CAMTA1: variants seen among roughly 807,000 people sequenced by gnomAD.
CAMTA1 encodes the protein calmodulin binding transcription activator 1, also known as calmodulin-binding transcription activator 1.
Under a neutral mutation model 170.9 loss-of-function variants are expected in CAMTA1, and 27 were observed. The ratio of observed to expected loss-of-function variants is 0.16; its 90% CI spans 0.12 to 0.22. The LOEUF (loss-of-function observed/expected upper bound fraction) is 0.22, where lower values mean the gene tolerates loss of function less well. Among genes scored for constraint, CAMTA1 ranks in the 10% least tolerant of loss-of-function variants. The pLI is 1.00. For synonymous variants in CAMTA1, 833 were observed against 891.5 expected (o/e 0.93, Z 1.17); for missense variants, 1,619 against 2,217.2 (o/e 0.73, Z 5.42).
At chr1:7,640,313 C>T in intron 6 of CAMTA1, 87 bp from the exon 7 acceptor site, 4 of 1,477,852 alleles carry the variant, frequency 2.7e-6, no homozygotes, top group Non-Finnish European at 3.7e-6. Flanking sequence ...GCCTCAGTCT[C>T]TGCCTGCACC....
chr1:7,104,278 C>T (rs202141383), intron 4 of CAMTA1, among the ~76,000 whole-genome samples: 1 of 58,680 alleles, frequency 1.7e-5, no homozygotes, highest in African/African-American at 5.3e-5. Flanking sequence ...TACATGCACA[C>T]AAAACAAATA....
At chr1:7,261,197 T>A (rs1180974097) in intron 5 of CAMTA1, among the ~76,000 whole-genome samples, 2 of 152,250 alleles carry the variant, frequency 1.3e-5, no homozygotes, top group Non-Finnish European at 2.9e-5. Flanking sequence ...GGCTGCGGGT[T>A]CCTTCCTTCC....
At chr1:7,467,771 T>G in intron 5 of CAMTA1, 59 bp from the exon 6 acceptor site, 2 of 1,352,990 alleles carry the variant, frequency 1.5e-6, no homozygotes, top group Non-Finnish European at 2.1e-6. Context: ...TTGCGCCGTC[T>G]TCCTTCCTTC....
intron 5 of CAMTA1, among the ~76,000 whole-genome samples, chr1:7,441,971 C>T (rs2092552685): frequency 6.6e-6 from 1 of 152,164 alleles, no homozygotes; most frequent in African/African-American, 2.4e-5. Context: ...CAGAGGGCTG[C>T]TCCCTGCGTA....
chr1:7,101,676 C>T (rs1223836470), intron 4 of CAMTA1, among the ~76,000 whole-genome samples: 1 of 152,232 alleles, frequency 6.6e-6, no homozygotes, highest in East Asian at 1.9e-4. Flanking sequence ...ACACAGCACA[C>T]ATGTAGACAC....
chr1:7,705,337 G>T (rs1431030989), intron 11 of CAMTA1, among the ~76,000 whole-genome samples: 1 of 151,252 alleles, frequency 6.6e-6, no homozygotes, highest in Non-Finnish European at 1.5e-5. Context: ...GCCCGGGGCC[G>T]TGTGTCTGGA....
intron 3 of CAMTA1, among the ~76,000 whole-genome samples, chr1:6,902,079 A>AAAAAAGAAAAAAT (rs796874602): frequency 5.3e-5 from 4 of 75,196 alleles, no homozygotes; most frequent in Admixed American, 1.4e-4. Flanking sequence ...ACACAAAAAA[A>AAAAAAGAAAAAAT]AAAATAAAAA....
intron 4 of CAMTA1, among the ~76,000 whole-genome samples, chr1:7,134,749 T>G (rs1645449176): frequency 6.6e-6 from 1 of 152,114 alleles, no homozygotes; most frequent in South Asian, 2.1e-4. Flanking sequence ...AAAAGACACA[T>G]GCAATTATAT....
rs1325143143 is a variant in CAMTA1 at position 6,970,020 on chromosome 1, C to T, written c.235-121284C>T. Among the ~76,000 whole-genome samples, 1 of 152,194 alleles carries T rather than the reference C, an allele frequency of 6.6e-6. No homozygotes were observed. Among genetic ancestry groups the T allele is most frequent in the African/African-American group, 2.4e-5 (1 of 41,446 alleles). On this transcript the variant is annotated intron_variant, in intron 3 of 22. Transcript: ENST00000303635. This position sits in a 1 kb window ranked among gnomAD's most constrained non-coding sequence, Gnocchi z 4.4. Reference sequence around the variant, plus strand: ...CAGTCAAGGTGCAGAATTGTTCCATCTCCACAGACATCCTCCCACCAACCC... The same window carrying T: ...CAGTCAAGGTGCAGAATTGTTCCATTTCCACAGACATCCTCCCACCAACCC...
intron 3 of CAMTA1, among the ~76,000 whole-genome samples, chr1:6,993,658 G>C (rs893877365): frequency 6.6e-6 from 1 of 152,026 alleles, no homozygotes; most frequent in Non-Finnish European, 1.5e-5. Flanking sequence ...TGAAGTCTAC[G>C]CTACATAGCC....
chr1:7,060,206 A>G (rs1707999647), intron 3 of CAMTA1, among the ~76,000 whole-genome samples: 1 of 152,236 alleles, frequency 6.6e-6, no homozygotes, highest in Non-Finnish European at 1.5e-5. Flanking sequence ...GCAGAAACCA[A>G]CTGACTCACA....
At chr1:6,844,123 A>G (rs960436810) in intron 3 of CAMTA1, among the ~76,000 whole-genome samples, 1 of 152,210 alleles carries the variant, frequency 6.6e-6, no homozygotes, top group East Asian at 1.9e-4. Context: ...ATGTTGAGAG[A>G]AAGAAACCAG....
At chr1:6,919,863 G>T (rs1265575583) in intron 3 of CAMTA1, among the ~76,000 whole-genome samples, 1 of 152,058 alleles carries the variant, frequency 6.6e-6, no homozygotes. Flanking sequence ...GCATGGGAAA[G>T]ACCCACCCCC....
chr1:7,193,351 CAAA>C (rs769225842), intron 4 of CAMTA1, among the ~76,000 whole-genome samples: 2 of 109,218 alleles, frequency 1.8e-5, no homozygotes, highest in Non-Finnish European at 3.9e-5. Context: ...GACTCTGTCT[CAAA>C]AAAAAAAAAA....
rs1399102784 is a variant in CAMTA1, at chr1:7,767,963, T to G, written c.*1472T>G. 1 of 152,570 alleles carries G rather than the reference T, an allele frequency of 6.6e-6. No homozygotes were observed. The highest frequency in any genetic ancestry group is 1.5e-5 in the Non-Finnish European group (1 of 67,992). The allele number at this position is 152,570 out of a possible 1,614,324, so 9.5% of individuals were successfully genotyped here. ...CTACCAGGAGTTTAGTTTATTTTAT[T>G]TAAAATTTTTTTGCCAATGGTGCCA... On this transcript the variant is annotated 3_prime_UTR_variant, in exon 23 of 23. Transcript: ENST00000303635.
chr1:7,276,303 A>ATAATTTTTTTTTTTTTTTTTTTTTTT, intron 5 of CAMTA1, among the ~76,000 whole-genome samples: 7 of 24,232 alleles, frequency 2.9e-4, no homozygotes, highest in African/African-American at 2.1e-3. Flanking sequence ...ATATATATAT[A>ATAATTTTTTTTTTTTTTTTTTTTTTT]TTTTTTTTTT....
chr1:6,932,779 C>A (rs1029865419), intron 3 of CAMTA1, among the ~76,000 whole-genome samples: 6 of 152,156 alleles, frequency 3.9e-5, no homozygotes, highest in Non-Finnish European at 5.9e-5. Context: ...TTTAGCCATA[C>A]CCATGTATCT....
intron 4 of CAMTA1, among the ~76,000 whole-genome samples, chr1:7,100,113 C>A (rs1185638712): frequency 1.3e-5 from 2 of 152,152 alleles, no homozygotes; most frequent in East Asian, 3.9e-4. Context: ...TTCCAATTCA[C>A]GAGTCTTCTA....
intron 4 of CAMTA1, among the ~76,000 whole-genome samples, chr1:7,225,634 C>G (rs1661570166): frequency 6.6e-6 from 1 of 152,226 alleles, no homozygotes; most frequent in Non-Finnish European, 1.5e-5. Flanking sequence ...GGGTTGACAG[C>G]TACCCCAGAG....
Sources: allele counts gnomAD v4.1 joint callset (sites outside exome capture counted in the v4.1 genomes callset), GRCh38; gene constraint gnomAD v4.1.1; non-coding constraint Gnocchi (gnomAD v3.1); transcripts MANE v1.5; gene names NCBI Gene and HGNC (gene_info 2026-07-23, HGNC 2026-07-21).